The following ADAMTS19 variants were observed in gnomAD, a reference collection of about 807,000 sequenced individuals.
ADAMTS19 encodes the protein ADAM metallopeptidase with thrombospondin type 1 motif 19.
Under a neutral mutation model 153.3 loss-of-function variants are expected in ADAMTS19, and 93 were observed. The ratio of observed to expected loss-of-function variants is 0.61; its 90% confidence interval spans 0.51 to 0.72. ADAMTS19 has a LOEUF of 0.72. Among genes scored for constraint, ADAMTS19 ranks in the 30% least tolerant of loss-of-function variants. ADAMTS19 has a pLI of 0.00. For synonymous variants in ADAMTS19, 600 were observed against 556.6 expected (o/e 1.08, Z -1.10); for missense variants, 1,482 against 1,552.1 (o/e 0.95, Z 0.76).
chr5:129,491,656 A>C (rs966241610), intron 2 of ADAMTS19, among the ~76,000 whole-genome samples: 1 of 152,202 alleles, frequency 6.6e-6, no homozygotes, highest in Non-Finnish European at 1.5e-5. Flanking sequence ...GTCATGAAAC[A>C]GTTTTACATT....
intron 10 of ADAMTS19, among the ~76,000 whole-genome samples, chr5:129,636,774 A>G (rs1408716867): frequency 6.6e-6 from 1 of 152,248 alleles, no homozygotes; most frequent in Non-Finnish European, 1.5e-5. Context: ...TTTAAATCCA[A>G]TAAGTGTTAC....
intron 6 of ADAMTS19, among the ~76,000 whole-genome samples, chr5:129,546,502 C>G (rs1752866333): frequency 6.7e-6 from 1 of 150,048 alleles, no homozygotes; most frequent in African/African-American, 2.5e-5. Flanking sequence ...AAGCAGAAAG[C>G]AAATGCATGA....
intron 20 of ADAMTS19, among the ~76,000 whole-genome samples, chr5:129,702,941 A>AAAAATATATATATATAC: frequency 6.8e-5 from 2 of 29,308 alleles, no homozygotes; most frequent in Non-Finnish European, 1.7e-4. Flanking sequence ...AAAAAAAAAA[A>AAAAATATATATATATAC]ATATATATAT....
intron 2 of ADAMTS19, among the ~76,000 whole-genome samples, chr5:129,474,119 A>T (rs1271442007): frequency 6.6e-6 from 1 of 151,802 alleles, no homozygotes; most frequent in African/African-American, 2.4e-5. Flanking sequence ...GTCTCTATAG[A>T]TTTGTCTTTC....
chr5:129,682,708 A>C (rs1754878558), intron 17 of ADAMTS19, among the ~76,000 whole-genome samples: 1 of 152,176 alleles, frequency 6.6e-6, no homozygotes, highest in South Asian at 2.1e-4. Context: ...AGCAACATCA[A>C]ATGACATATT....
intron 8 of ADAMTS19, among the ~76,000 whole-genome samples, chr5:129,598,289 C>T (rs1750478898): frequency 6.6e-6 from 1 of 152,172 alleles, no homozygotes; most frequent in African/African-American, 2.4e-5. Flanking sequence ...TCAGAGGCCG[C>T]AACACCCTAG....
intron 2 of ADAMTS19, among the ~76,000 whole-genome samples, chr5:129,506,994 G>C (rs760871894): frequency 6.6e-6 from 1 of 151,974 alleles, no homozygotes; most frequent in African/African-American, 2.4e-5. Flanking sequence ...ACAGCTAGCA[G>C]TAAGTTATGA....
chr5:129,503,560 T>G (rs564596196), intron 2 of ADAMTS19, among the ~76,000 whole-genome samples: 1 of 152,172 alleles, frequency 6.6e-6, no homozygotes, highest in Non-Finnish European at 1.5e-5. Context: ...AAAGCCAGGC[T>G]GGGTGCCATG....
chr5:129,640,998 A>C (rs1055693221), intron 10 of ADAMTS19, among the ~76,000 whole-genome samples: 5 of 151,794 alleles, frequency 3.3e-5, no homozygotes, highest in African/African-American at 1.2e-4. Context: ...CTAAATTTTT[A>C]AGTCACTTTT....
intron 21 of ADAMTS19, among the ~76,000 whole-genome samples, chr5:129,712,809 G>A (rs1756542504): frequency 6.6e-6 from 1 of 152,134 alleles, no homozygotes; most frequent in African/African-American, 2.4e-5. Flanking sequence ...ATACTTCAGA[G>A]AGACTGAGAT....
chr5:129,682,966 G>A (rs1203968979), intron 17 of ADAMTS19, among the ~76,000 whole-genome samples: 1 of 151,926 alleles, frequency 6.6e-6, no homozygotes, highest in East Asian at 1.9e-4. Flanking sequence ...TTTTCCTATG[G>A]AATGTTAACT....
chr5:129,509,290 ATGACTACTTT>A (rs1340757138), intron 3 of ADAMTS19, 48 bp downstream of exon 3: 1 of 1,525,950 alleles, frequency 6.6e-7, no homozygotes. Flanking sequence ...TCAATGTGAG[ATGACTACTTT>A]AAAAAAACTC....
At chr5:129,681,629 G>A (rs899509226) in intron 17 of ADAMTS19, among the ~76,000 whole-genome samples, 1 of 152,058 alleles carries the variant, frequency 6.6e-6, no homozygotes, top group Non-Finnish European at 1.5e-5. Context: ...TAAAAACCTA[G>A]GTATTAGTCA....
In ADAMTS19 at chr5:129,467,278, G is replaced by A. The variant is rs549988025; in HGVS notation, c.747+5521G>A. On this transcript the variant is annotated intron_variant, in intron 2 of 22. Transcript: ENST00000274487. ...ATGGTGTGTGGCGTATTAAGTCAGC[G>A]ATTCTAGTTGATTTTGTTGATATAA... Among the ~76,000 whole-genome samples, 4 of 152,238 alleles carry A rather than the reference G, an allele frequency of 2.6e-5. No homozygotes were observed. In the East Asian group the frequency reaches 7.7e-4, roughly 29 times the overall value.
At chr5:129,639,784 T>C (rs1752711997) in intron 10 of ADAMTS19, among the ~76,000 whole-genome samples, 1 of 152,206 alleles carries the variant, frequency 6.6e-6, no homozygotes, top group Admixed American at 6.5e-5. Context: ...TGAATTTTCT[T>C]CTAAAGAAAA....
intron 21 of ADAMTS19, among the ~76,000 whole-genome samples, chr5:129,715,623 C>A (rs918386933): frequency 3.2e-4 from 48 of 152,116 alleles, no homozygotes; most frequent in Non-Finnish European, 5.9e-5. Context: ...GGTAAGAAAG[C>A]AGGAGGTGTT....
intron 19 of ADAMTS19, among the ~76,000 whole-genome samples, chr5:129,700,317 T>G (rs1275566635): frequency 6.6e-6 from 1 of 152,190 alleles, no homozygotes; most frequent in Non-Finnish European, 1.5e-5. Context: ...AGTTTAGCCC[T>G]GAGTCTGTCA....
intron 7 of ADAMTS19, among the ~76,000 whole-genome samples, chr5:129,563,352 G>T (rs1054277814): frequency 1.3e-5 from 2 of 152,030 alleles, no homozygotes; most frequent in African/African-American, 4.8e-5. Flanking sequence ...AGCCTTATTA[G>T]TTTAATATAT....
intron 14 of ADAMTS19, among the ~76,000 whole-genome samples, chr5:129,658,351 AAGAAAGAAAGAAAGAAAG>A (rs1753671166): frequency 9.0e-5 from 12 of 133,134 alleles, no homozygotes; most frequent in African/African-American, 3.5e-4. Flanking sequence ...GAAAGAAAGA[AAGAAAGAAAGAAAGAAAG>A]AGAGAGAGGA....
Sources: gnomAD v4.1 joint callset for allele counts (sites outside exome capture counted in the v4.1 genomes callset) on GRCh38, gnomAD v4.1.1 for gene constraint, MANE v1.5 for transcripts, NCBI Gene and HGNC (gene_info 2026-07-23, HGNC 2026-07-21) for gene names.